Variants in STK38L observed in about 807,000 individuals in gnomAD.
The protein encoded by STK38L is serine/threonine kinase 38 like.
A neutral mutation model predicts 59.7 loss-of-function variants in STK38L; 28 were observed. The observed-to-expected ratio is 0.47, with a 90% CI of 0.35 to 0.64. The LOEUF is 0.64. STK38L is among the 30% of genes least tolerant of loss of function. The pLI, the probability that STK38L is intolerant of heterozygous loss-of-function variation, is 0.01. For missense variants in STK38L, 314 were observed against 555.8 expected (o/e 0.56, Z 4.37); for synonymous variants, 162 against 176.8 (o/e 0.92, Z 0.66).
At chr12:27,317,652 C>G (rs1248616202) in intron 10 of STK38L, 199 bp downstream of exon 10, 2 of 705,450 alleles carry the variant, frequency 2.8e-6, no homozygotes, top group Non-Finnish European at 4.6e-6. Context: ...GGTATTTAAC[C>G]CAAACTCCCA....
At chr12:27,257,608 G>T (rs1943117110) in intron 1 of STK38L, among the ~76,000 whole-genome samples, 4 of 152,078 alleles carry the variant, frequency 2.6e-5, no homozygotes, top group Admixed American at 2.0e-4. Flanking sequence ...CACTCTATTT[G>T]ATTCAGGCTG....
intron 2 of STK38L, 67 bp from the exon 3 acceptor site, chr12:27,302,070 T>G (rs1944188146): frequency 7.6e-7 from 1 of 1,315,462 alleles, no homozygotes; most frequent in South Asian, 1.4e-5. Context: ...AATAAATAAA[T>G]GTATATTTCT....
rs1944668016 is a variant in STK38L, at chr12:27,319,319, A to T, written c.1080-9A>T. The T allele has an allele frequency of 6.3e-7, 1 of 1,574,810 alleles. No individual in the cohort carries two copies. Among genetic ancestry groups the T allele is most frequent in the African/African-American group, 1.3e-5 (1 of 74,136 alleles). On this transcript the variant is annotated splice_polypyrimidine_tract_variant and intron_variant, in intron 11 of 13. Coordinates refer to ENST00000389032, the MANE Select transcript of STK38L (RefSeq NM_015000.4). ...TGTGTATGATAATTTCTCTGTTTCC[A>T]TGTTGTAGATTTTGTATTGATTCTG...
Position 27,308,324 on chromosome 12 carries a change from G to GTT in STK38L, c.187-7_187-6dup. On this transcript the variant is annotated splice_polypyrimidine_tract_variant and intron_variant, in intron 3 of 13. Transcript: ENST00000389032. This position sits in a 1 kb window ranked among gnomAD's most constrained non-coding sequence, Gnocchi z 4.5. The stretch of plus-strand genomic sequence containing the variant: ...AATTATAAAATCATCCGTTTAAATT[G>GTT]TTTTTTTTTAATAGAAAAAGTTACG... 3.3e-6 allele frequency: 5 copies of GTT among 1,502,476 alleles called. No individual in the cohort carries two copies. Among genetic ancestry groups the GTT allele is most frequent in the Admixed American group, 2.2e-5 (1 of 44,922 alleles). 93.1% of individuals were successfully genotyped at this position (1,502,476 alleles called of 1,614,324 possible).
chr12:27,276,436 A>G (rs1943539696), intron 1 of STK38L, among the ~76,000 whole-genome samples: 1 of 152,124 alleles, frequency 6.6e-6, no homozygotes, highest in South Asian at 2.1e-4. Context: ...CTCCTTCTCT[A>G]TGAAGCTGTT....
intron 1 of STK38L, among the ~76,000 whole-genome samples, chr12:27,271,546 A>G (rs751496553): frequency 6.6e-6 from 1 of 152,190 alleles, no homozygotes; most frequent in African/African-American, 2.4e-5. Flanking sequence ...GGGGGTAGTT[A>G]GTAGAGAATG....
chr12:27,298,483 A>C (rs911605957), intron 2 of STK38L: 2 of 152,254 alleles, frequency 1.3e-5, no homozygotes, highest in East Asian at 3.8e-4. Context: ...TTAATCCAAA[A>C]GCATTTACAG....
intron 1 of STK38L, among the ~76,000 whole-genome samples, chr12:27,285,070 T>C (rs1480334555): frequency 2.0e-5 from 3 of 152,188 alleles, no homozygotes; most frequent in African/African-American, 7.2e-5. Flanking sequence ...CATAGCTACT[T>C]AGGTCTTAAA....
At chr12:27,288,391 A>G (rs1943824843) in intron 1 of STK38L, among the ~76,000 whole-genome samples, 1 of 152,184 alleles carries the variant, frequency 6.6e-6, no homozygotes, top group Non-Finnish European at 1.5e-5. Flanking sequence ...AGTGAAAAAT[A>G]TAGAAGAAAA....
At chr12:27,314,913 G>A in intron 7 of STK38L, 102 bp from the exon 8 acceptor site, 1 of 983,102 alleles carries the variant, frequency 1.0e-6, no homozygotes, top group Non-Finnish European at 1.5e-6. Flanking sequence ...TAAATCCCAA[G>A]CTAAGAATTT....
intron 1 of STK38L, among the ~76,000 whole-genome samples, chr12:27,245,372 T>C (rs1049093910): frequency 6.6e-6 from 1 of 152,218 alleles, no homozygotes; most frequent in Admixed American, 6.5e-5. Flanking sequence ...TTTAAGTGAT[T>C]TAAGTTCTGC....
At chr12:27,279,040 A>G (rs1018188743) in intron 1 of STK38L, among the ~76,000 whole-genome samples, 2 of 152,240 alleles carry the variant, frequency 1.3e-5, no homozygotes, top group Admixed American at 6.5e-5. Flanking sequence ...TGACTTATGA[A>G]TTTTCAACTT....
At chr12:27,286,711 T>G (rs1943780851) in intron 1 of STK38L, among the ~76,000 whole-genome samples, 1 of 152,176 alleles carries the variant, frequency 6.6e-6, no homozygotes, top group Non-Finnish European at 1.5e-5. Context: ...TGTCAAAAAA[T>G]AAAAAATATC....
chr12:27,308,477 A>G lies in STK38L; in HGVS notation c.309+16A>G. The G allele has an allele frequency of 6.4e-7, 1 of 1,553,490 alleles. No individual in the cohort carries two copies. Among genetic ancestry groups the G allele is most frequent in the Non-Finnish European group, 8.7e-7 (1 of 1,153,582 alleles). ...TTTTGGAGAGGTGTGCTTCTTTTTAAAAGTCACTACTGCTGCAAATATATA... is the reference window on the plus strand; with the variant it reads ...TTTTGGAGAGGTGTGCTTCTTTTTAGAAGTCACTACTGCTGCAAATATATA... On this transcript the variant is annotated intron_variant, in intron 4 of 13. Transcript: ENST00000389032. The surrounding 1 kb of genome is among the most constrained non-coding windows in gnomAD (Gnocchi z 4.5).
chr12:27,298,035 G>A (rs762905866), intron 2 of STK38L, 181 bp downstream of exon 2: 12 of 676,404 alleles, frequency 1.8e-5, no homozygotes, highest in Non-Finnish European at 2.6e-5. Flanking sequence ...AGTTTCCTGA[G>A]GTGCCCCAAG....
intron 1 of STK38L, among the ~76,000 whole-genome samples, chr12:27,287,677 C>T (rs1943804480): frequency 6.6e-6 from 1 of 151,162 alleles, no homozygotes; most frequent in Non-Finnish European, 1.5e-5. Context: ...TCATTCTTTC[C>T]TTCCTTTAGT....
chr12:27,314,422 A>AATT, intron 6 of STK38L, 82 bp from the exon 7 acceptor site: 3 of 1,133,256 alleles, frequency 2.6e-6, no homozygotes, highest in Non-Finnish European at 3.5e-6. Context: ...AAAAAAAAGT[A>AATT]AAAAAAGCAG....
At chr12:27,244,406 A>G (rs7299848) in intron 1 of STK38L, 74 bp downstream of exon 1, 1 of 152,324 alleles carries the variant, frequency 6.6e-6, no homozygotes, top group African/African-American at 2.4e-5. Flanking sequence ...GAGCAGGAGC[A>G]GGAGGAGATT....
Position 27,317,391 on chromosome 12 carries a change from C to A in STK38L, c.893C>A (p.Thr298Asn). 1 of 1,613,382 alleles carries A rather than the reference C, an allele frequency of 6.2e-7. No individual in the cohort carries two copies. Among genetic ancestry groups the A allele is most frequent in the Non-Finnish European group, 8.5e-7 (1 of 1,179,856 alleles). ...ATTGCTCCAGAAGTATTCATGCAGACTGGTTACAACAAATTGTGTGACTGG... is the reference window on the plus strand; with the variant it reads ...ATTGCTCCAGAAGTATTCATGCAGAATGGTTACAACAAATTGTGTGACTGG... Reference protein sequence around the residue: ...DYIAPEVFMQTGYNKLCDWWS... With the variant: ...DYIAPEVFMQNGYNKLCDWWS... The change falls in exon 10 of 14, where the codon ACT becomes AAT. Residue 298 changes from threonine to asparagine, a missense_variant. Around this residue, in one of 3 missense-constraint regions of STK38L, gnomAD observed 28 missense variants for 96.7 expected, o/e 0.29. Coordinates refer to ENST00000389032, the MANE Select transcript of STK38L (RefSeq NM_015000.4).
Sources: gnomAD v4.1 joint callset for allele counts (sites outside exome capture counted in the v4.1 genomes callset) on GRCh38, gnomAD v4.1.1 for gene constraint, gnomAD v4.1.1 regional missense constraint, Gnocchi (gnomAD v3.1) non-coding constraint, MANE v1.5 for transcripts, NCBI Gene and HGNC (gene_info 2026-07-23, HGNC 2026-07-21) for gene names.